The following IGDCC3 variants were observed in gnomAD, a reference collection of about 807,000 sequenced individuals.
The protein encoded by IGDCC3 is immunoglobulin superfamily DCC subclass member 3.
In IGDCC3, 47 loss-of-function variants were observed where a neutral mutation model predicts 72.0. That is an observed-to-expected ratio of 0.65 (90% confidence interval 0.52 to 0.83). The LOEUF is 0.83. IGDCC3 is among the 40% of genes least tolerant of loss of function. The pLI is 0.00. For missense variants in IGDCC3, 1,038 were observed against 1,091.3 expected, an observed-to-expected ratio of 0.95 and a Z score of 0.69; for synonymous variants, 477 against 472.8, an observed-to-expected ratio of 1.01 and a Z score of -0.11.
At chr15:65,355,918 G>A (rs1437175377) in intron 2 of IGDCC3, 3 of 301,528 alleles carry the variant, frequency 9.9e-6, no homozygotes, top group Non-Finnish European at 2.2e-5. Context: ...CGCGGCGGCG[G>A]AGGGAAACTG....
rs1292504072 is a variant in IGDCC3 at position 65,327,744 on chromosome 15, TG to T, written c.*1164del. The T allele has an allele frequency of 6.6e-6, 1 of 152,484 alleles. No homozygotes were observed. The allele number at this position is 152,484 out of a possible 1,614,324, so 9.4% of individuals were successfully genotyped here. A position where few individuals can be genotyped will look rare whatever the true frequency, so the allele number is the denominator to read the frequency against. Reference sequence around the variant, plus strand: ...CAGTGGATGCTCCCCTGTCGAGGGGTGGATCAGGCTGGCTGGGTGCCTGAGG... The same window carrying T: ...CAGTGGATGCTCCCCTGTCGAGGGGTGATCAGGCTGGCTGGGTGCCTGAGG... On this transcript the variant is annotated 3_prime_UTR_variant, in exon 14 of 14. Transcript: ENST00000327987.
At position 65,333,429 on chromosome 15, in the gene IGDCC3, G is replaced by A; in HGVS notation, c.824-14C>T. The A allele has an allele frequency of 1.9e-6, 3 of 1,586,922 alleles. No homozygotes were observed. The highest frequency in any genetic ancestry group is 2.6e-6 in the Non-Finnish European group (3 of 1,166,276). On this transcript the variant is annotated splice_polypyrimidine_tract_variant and intron_variant, in intron 5 of 13. Transcript: ENST00000327987. ...TAGGGCGACCATCTGCAGAGGAAGG[G>A]GAGGGGGGATGGGTGAGGGTCAGAT... is the stretch of plus-strand genomic sequence containing the variant.
At chr15:65,334,323 T>C (rs28689943) in intron 5 of IGDCC3, among the ~76,000 whole-genome samples, 2,213 of 152,108 alleles carry the variant, frequency 0.015, 55 homozygotes, top group African/African-American at 0.05. Flanking sequence ...GTCTGACAAC[T>C]GGCTGGGATT....
chr15:65,332,783 G>A (rs556343635), intron 6 of IGDCC3, among the ~76,000 whole-genome samples: 1 of 152,238 alleles, frequency 6.6e-6, no homozygotes, highest in African/African-American at 2.4e-5. Context: ...CCAGGTTAGC[G>A]GCAGGGCCCC....
chr15:65,354,776 A>C (rs72731336), intron 2 of IGDCC3, among the ~76,000 whole-genome samples: 3,403 of 152,260 alleles, frequency 0.022, 64 homozygotes, highest in Non-Finnish European at 0.034. Flanking sequence ...CTCCTCCAAC[A>C]AGTTATTATA....
chr15:65,355,857 C>T (rs1052386530), intron 2 of IGDCC3: 6 of 368,554 alleles, frequency 1.6e-5, no homozygotes, highest in Non-Finnish European at 2.3e-5. Flanking sequence ...TTCCCGCCAC[C>T]CCCTCCCCCA....
At chr15:65,347,321 T>C (rs1444021297) in intron 2 of IGDCC3, among the ~76,000 whole-genome samples, 2 of 152,270 alleles carry the variant, frequency 1.3e-5, no homozygotes, top group East Asian at 3.8e-4. Flanking sequence ...GATCAGCTCC[T>C]GGCTCTGTCA....
chr15:65,342,700 C>T (rs191882984), intron 2 of IGDCC3, among the ~76,000 whole-genome samples: 98 of 152,306 alleles, frequency 6.4e-4, no homozygotes, highest in African/African-American at 2.3e-3. Context: ...GCACTCCCCC[C>T]TCTTGGCCAC....
At position 65,329,327 on chromosome 15, in the gene IGDCC3, A is replaced by C. The variant is rs1362237537; in HGVS notation, c.2205+63T>G. The C allele has an allele frequency of 1.3e-6, 2 of 1,504,026 alleles. No homozygotes were observed. The highest frequency in any genetic ancestry group is 1.8e-6 in the Non-Finnish European group (2 of 1,109,952). The allele number at this position is 1,504,026 out of a possible 1,614,324, so 93.2% of individuals were successfully genotyped here. A position where few individuals can be genotyped will look rare whatever the true frequency, so the allele number is the denominator to read the frequency against. Reference sequence around the variant, plus strand: ...GCCCGTGGCCAAGGTGAAGGGGGGCAGGATTGGAAGGTGGCAGTGTCAGAG... The same window carrying C: ...GCCCGTGGCCAAGGTGAAGGGGGGCCGGATTGGAAGGTGGCAGTGTCAGAG... On this transcript the variant is annotated intron_variant, in intron 13 of 13. Coordinates refer to ENST00000327987, the MANE Select transcript of IGDCC3 (RefSeq NM_004884.4). This position sits in a 1 kb window ranked among gnomAD's most constrained non-coding sequence, Gnocchi z 4.1.
intron 6 of IGDCC3, among the ~76,000 whole-genome samples, chr15:65,332,582 C>G (rs990298571): frequency 1.2e-4 from 19 of 152,198 alleles, no homozygotes; most frequent in African/African-American, 4.6e-4. Flanking sequence ...AATGCTCCAT[C>G]ACTTTCATTT....
chr15:65,347,229 T>C (rs1331038533), intron 2 of IGDCC3, among the ~76,000 whole-genome samples: 2 of 152,208 alleles, frequency 1.3e-5, no homozygotes, highest in Non-Finnish European at 2.9e-5. Flanking sequence ...AAACAGATAC[T>C]TCCCCCGAAT....
rs1038036785 is a variant in IGDCC3, at chr15:65,329,933, G to A, written c.1859-69C>T. 18 of 1,554,204 alleles carry A rather than the reference G, an allele frequency of 1.2e-5. No homozygotes were observed. Among genetic ancestry groups the A allele is most frequent in the Non-Finnish European group, 1.5e-5 (17 of 1,130,718 alleles). On this transcript the variant is annotated intron_variant, in intron 11 of 13. Coordinates refer to ENST00000327987, the MANE Select transcript of IGDCC3 (RefSeq NM_004884.4). The surrounding 1 kb of genome is among the most constrained non-coding windows in gnomAD (Gnocchi z 4.1). ...AAGCACTCCCAAACACCCAGCCTCT[G>A]GGGACTCCTCTTCCTTCAGCTGCTC...
Position 65,329,038 on chromosome 15 carries a change from G to A in IGDCC3, c.2316C>T (p.Ala772=). The A allele has an allele frequency of 6.2e-7, 1 of 1,612,652 alleles. No individual in the cohort carries two copies. The highest frequency in any genetic ancestry group is 8.5e-7 in the Non-Finnish European group (1 of 1,179,558). The change falls in exon 14 of 14, where the codon GCC becomes GCT. Residue 772 remains alanine (A), a synonymous_variant. Transcript: ENST00000327987. This position sits in a 1 kb window ranked among gnomAD's most constrained non-coding sequence, Gnocchi z 4.1. ...CCGCCAGGCCGGCGCAGGGAGCCGT[G>A]GCCTCTGTGGTCTTCGCCTCCGTCG... ...GKTTEAKTTE[A]TAPCAGLAAA... is the part of the protein sequence containing the mutation.
Position 65,329,964 on chromosome 15 carries a change from C to A in IGDCC3, c.1859-100G>T. ...TCCTCTTCCTTCAGCTGCTCCCACT[C>A]CCAAGTGGGAGTGGGAACATCCTTT... is the stretch of plus-strand genomic sequence containing the variant. On this transcript the variant is annotated intron_variant, in intron 11 of 13. Transcript: ENST00000327987. The surrounding 1 kb of genome is among the most constrained non-coding windows in gnomAD (Gnocchi z 4.1). The A allele has an allele frequency of 2.3e-6, 3 of 1,309,100 alleles. No homozygotes were observed. The highest frequency in any genetic ancestry group is 2.5e-5 in the South Asian group (2 of 80,872). 81.1% of individuals were successfully genotyped at this position (1,309,100 alleles called of 1,614,324 possible). A position where few individuals can be genotyped will look rare whatever the true frequency, so the allele number is the denominator to read the frequency against.
chr15:65,343,094 C>T (rs1170824316), intron 2 of IGDCC3, among the ~76,000 whole-genome samples: 1 of 152,162 alleles, frequency 6.6e-6, no homozygotes, highest in Non-Finnish European at 1.5e-5. Flanking sequence ...GGGATGATCA[C>T]AGCTCAAGTC....
At chr15:65,356,075 C>CTT (rs1427910122) in intron 2 of IGDCC3, 2 of 252,102 alleles carry the variant, frequency 7.9e-6, no homozygotes, top group East Asian at 2.9e-4. Flanking sequence ...CAGGGGCGCT[C>CTT]TAACTGAGCG....
At chr15:65,358,763 C>A (rs543875728) in intron 2 of IGDCC3, among the ~76,000 whole-genome samples, 1 of 152,126 alleles carries the variant, frequency 6.6e-6, no homozygotes, top group Non-Finnish European at 1.5e-5. Flanking sequence ...TGGGCTCAAC[C>A]GATCCTCCCA....
At chr15:65,330,430 C>G (rs1299842046) in intron 10 of IGDCC3, 33 bp from the exon 11 acceptor site, 3 of 1,589,218 alleles carry the variant, frequency 1.9e-6, no homozygotes. Context: ...AGCAACTGCC[C>G]CTGCCCAACC....
At chr15:65,334,887 T>G (rs202114877) in intron 4 of IGDCC3, 22 bp from the exon 5 acceptor site, 18 of 1,604,282 alleles carry the variant, frequency 1.1e-5, no homozygotes, top group East Asian at 8.9e-5. Flanking sequence ...ACGCCACATA[T>G]CCTCACTTCA....
Sources: allele counts gnomAD v4.1 joint callset (sites outside exome capture counted in the v4.1 genomes callset), GRCh38; gene constraint gnomAD v4.1.1; non-coding constraint Gnocchi (gnomAD v3.1); transcripts MANE v1.5; gene names NCBI Gene and HGNC (gene_info 2026-07-23, HGNC 2026-07-21).